Variants in XCR1 observed in about 807,000 individuals in gnomAD.
XCR1 encodes X-C motif chemokine receptor 1, also known as chemokine XC receptor 1.
For synonymous variants in XCR1, 187 were observed against 188.5 expected, an observed-to-expected ratio of 0.99 and a Z score of 0.06; for missense variants, 356 against 424.2, an observed-to-expected ratio of 0.84 and a Z score of 1.41.
At chr3:46,048,846 C>T (rs1697684586) in intron 5 of XCR1, among the ~76,000 whole-genome samples, 1 of 152,124 alleles carries the variant, frequency 6.6e-6, no homozygotes, top group East Asian at 1.9e-4. Context: ...GGTAGTTGGC[C>T]TCCTATACCC....
intron 4 of XCR1, among the ~76,000 whole-genome samples, chr3:46,056,318 C>T (rs1697849511): frequency 6.6e-6 from 1 of 152,174 alleles, no homozygotes; most frequent in Non-Finnish European, 1.5e-5. Context: ...GTTGGGATTA[C>T]AGGCGTGAGC....
At chr3:46,077,329 C>T (rs1264953288) in intron 1 of XCR1, among the ~76,000 whole-genome samples, 5 of 151,858 alleles carry the variant, frequency 3.3e-5, no homozygotes, top group Admixed American at 1.3e-4. Context: ...AAGTGCAAAC[C>T]CTATTGTGAA....
intron 4 of XCR1, among the ~76,000 whole-genome samples, chr3:46,057,933 TACGCATCC>T (rs779616624): frequency 8.7e-5 from 12 of 137,494 alleles, no homozygotes; most frequent in East Asian, 2.3e-4. Context: ...TCTATCTATC[TACGCATCC>T]ATCTATCTAT....
At chr3:46,051,679 A>G (rs141797122) in intron 5 of XCR1, among the ~76,000 whole-genome samples, 4 of 152,330 alleles carry the variant, frequency 2.6e-5, no homozygotes, top group Admixed American at 2.6e-4. Context: ...AATAAGTAAT[A>G]ATTGCACTAT....
At chr3:46,054,452 CCACGGGCGTTCGGCT>C (rs1286243493) in intron 4 of XCR1, among the ~76,000 whole-genome samples, 10 of 151,958 alleles carry the variant, frequency 6.6e-5, no homozygotes, top group Admixed American at 5.9e-4. Context: ...TTGGTCAGTC[CCACGGGCGTTCGGCT>C]CCCTGCAAAG....
intron 4 of XCR1, among the ~76,000 whole-genome samples, chr3:46,057,633 G>A (rs2125900384): frequency 6.6e-6 from 1 of 152,220 alleles, no homozygotes; most frequent in South Asian, 2.1e-4. Flanking sequence ...TTTATGGAAA[G>A]GAAATTATTC....
At chr3:46,085,622 C>G (rs888228366) in intron 1 of XCR1, among the ~76,000 whole-genome samples, 1 of 152,226 alleles carries the variant, frequency 6.6e-6, no homozygotes, top group Admixed American at 6.5e-5. Context: ...AGGAGTCTGG[C>G]CTTGGCCTGG....
chr3:46,024,101 A>G, intron 1 of XCR1: 1 of 791,626 alleles, frequency 1.3e-6, no homozygotes, highest in Admixed American at 2.1e-5. Flanking sequence ...ACATCTCCAG[A>G]ACTTCCCCTT....
chr3:46,080,374 C>T (rs1358270241), intron 1 of XCR1, among the ~76,000 whole-genome samples: 2 of 152,126 alleles, frequency 1.3e-5, no homozygotes, highest in African/African-American at 2.4e-5. Context: ...CAATAGATAC[C>T]TTGAAATGTC....
intron 2 of XCR1, among the ~76,000 whole-genome samples, chr3:46,076,041 G>C (rs1406732429): frequency 1.3e-5 from 2 of 152,144 alleles, no homozygotes; most frequent in East Asian, 1.9e-4. Flanking sequence ...TGTTAGTCAG[G>C]GTTCTCCAGG....
intron 5 of XCR1, among the ~76,000 whole-genome samples, chr3:46,048,559 T>G (rs892109590): frequency 3.3e-5 from 5 of 151,980 alleles, no homozygotes; most frequent in Non-Finnish European, 7.4e-5. Context: ...CCACCCTGGG[T>G]TCCTCTAGTC....
intron 3 of XCR1, among the ~76,000 whole-genome samples, chr3:46,071,847 C>A (rs1698169415): frequency 6.6e-6 from 1 of 152,038 alleles, no homozygotes; most frequent in Non-Finnish European, 1.5e-5. Context: ...AACCCATAGC[C>A]AACCTCATAC....
chr3:46,073,574 G>A (rs1253689323), intron 3 of XCR1, among the ~76,000 whole-genome samples: 1 of 152,158 alleles, frequency 6.6e-6, no homozygotes, highest in Non-Finnish European at 1.5e-5. Context: ...GAGAGACAGA[G>A]TGAGATTCTT....
rs1427313152 is a variant in XCR1, at chr3:46,020,892, C to T, written c.*54G>A. ...TCCTTCCAGGCCCGCTTCTCCATGA[C>T]CCCCATTCCAGTCCCTGTCCACCTG... On this transcript the variant is annotated 3_prime_UTR_variant, in exon 2 of 2. Transcript: ENST00000309285. 7.6e-6 allele frequency: 12 copies of T among 1,571,008 alleles called. No homozygotes were observed. Among genetic ancestry groups the T allele is most frequent in the African/African-American group, 2.7e-5 (2 of 73,798 alleles).
intron 4 of XCR1, among the ~76,000 whole-genome samples, chr3:46,057,711 A>T (rs1015209807): frequency 6.6e-6 from 1 of 152,152 alleles, no homozygotes; most frequent in Non-Finnish European, 1.5e-5. Flanking sequence ...GTTTCCCTGA[A>T]GAAGAAATTC....
chr3:46,075,809 A>G (rs1378964589), intron 2 of XCR1, among the ~76,000 whole-genome samples: 1 of 152,242 alleles, frequency 6.6e-6, no homozygotes, highest in Non-Finnish European at 1.5e-5. Flanking sequence ...ATTCAATGTC[A>G]CTAGCTACAA....
At chr3:46,053,671 T>C (rs1697795875) in intron 5 of XCR1, among the ~76,000 whole-genome samples, 1 of 152,184 alleles carries the variant, frequency 6.6e-6, no homozygotes, top group Admixed American at 6.5e-5. Context: ...TCCTGCTCTG[T>C]CCCAATTTTC....
At chr3:46,026,860 G>A (rs1260836556) in intron 1 of XCR1, among the ~76,000 whole-genome samples, 1 of 151,322 alleles carries the variant, frequency 6.6e-6, no homozygotes, top group Non-Finnish European at 1.5e-5. Context: ...GGGATTACAG[G>A]TGGGAGCCAC....
intron 5 of XCR1, among the ~76,000 whole-genome samples, chr3:46,047,852 A>G (rs191078260): frequency 3.9e-5 from 6 of 152,300 alleles, no homozygotes; most frequent in African/African-American, 9.6e-5. Flanking sequence ...TAGGTCCGCA[A>G]TGTCTCCAGT....
Sources: allele counts gnomAD v4.1 joint callset (sites outside exome capture counted in the v4.1 genomes callset), GRCh38; gene constraint gnomAD v4.1.1; transcripts MANE v1.5; gene names NCBI Gene and HGNC (gene_info 2026-07-23, HGNC 2026-07-21).